Variants in MICAL2 observed in about 807,000 individuals in gnomAD.
The protein encoded by MICAL2 is [F-actin]-monooxygenase MICAL2.
Under a neutral mutation model 127.3 loss-of-function variants are expected in MICAL2, and 77 were observed. The ratio of observed to expected loss-of-function variants is 0.60; its 90% CI spans 0.50 to 0.73. The LOEUF (loss-of-function observed/expected upper bound fraction) is 0.73, where lower values mean the gene tolerates loss of function less well. Among genes scored for constraint, MICAL2 ranks in the 30% least tolerant of loss-of-function variants. The probability of loss-of-function intolerance (pLI) is 0.00; values close to 1 mark genes in which losing one functional copy is unlikely to be tolerated. For synonymous variants in MICAL2, 570 were observed against 551.1 expected, an observed-to-expected ratio of 1.03 and a Z score of -0.48; for missense variants, 1,351 against 1,434.4, an observed-to-expected ratio of 0.94 and a Z score of 0.94.
chr11:12,213,169 T>A lies in MICAL2; in HGVS notation c.692-86T>A, dbSNP rs1054873600. The stretch of plus-strand genomic sequence containing the variant: ...CCTGGTTTCACTGGCCTGGGAGGCA[T>A]CTGGGAACAGCTCTCCCAATAATCA... On this transcript the variant is annotated intron_variant, in intron 6 of 27. Transcript: ENST00000683283. The A allele has an allele frequency of 3.4e-6, 5 of 1,452,876 alleles. No homozygotes were observed. The African/African-American group carries it at 7.1e-5, about 21-fold the overall frequency. The allele number at this position is 1,452,876 out of a possible 1,614,324, so 90.0% of individuals were successfully genotyped here.
intron 33 of MICAL2, among the ~76,000 whole-genome samples, chr11:12,352,148 C>T (rs967641312): frequency 6.6e-6 from 1 of 152,182 alleles, no homozygotes; most frequent in Admixed American, 6.5e-5. Context: ...GTAATTTGTC[C>T]ACTCTACCTG....
chr11:12,238,655 G>GATTGAATCCTGA (rs71313461), intron 16 of MICAL2, among the ~76,000 whole-genome samples: 28,163 of 151,874 alleles, frequency 0.19, 3,026 homozygotes, highest in Non-Finnish European at 0.24. Flanking sequence ...TGGGATCCTG[G>GATTGAATCCTGA]GACAGAAAAA....
rs1408865497 is a variant in MICAL2 at position 12,220,390 on chromosome 11, G to A, written c.1138G>A (p.Ala380Thr). ...DFTCMYASEN[A>T]ALVRERQAHQ... ...TACCTGCATGTATGCCTCAGAGAAC[G>A]CGGCCCTGGTGCGGGAGCGGCAGGC... The change falls in exon 9 of 28, where the codon GCG becomes ACG. Residue 380 changes from alanine (A) to threonine (T), a missense_variant. Ala to Thr is a moderately conservative substitution (Grantham distance 58). Transcript: ENST00000683283. 1.1e-5 allele frequency: 18 copies of A among 1,614,076 alleles called. No individual in the cohort carries two copies. The highest frequency in any genetic ancestry group is 4.5e-5 in the East Asian group (2 of 44,880).
chr11:12,333,113 A>G (rs1360688725), intron 32 of MICAL2, among the ~76,000 whole-genome samples: 1 of 152,250 alleles, frequency 6.6e-6, no homozygotes, highest in African/African-American at 2.4e-5. Flanking sequence ...TTTTTTAAAA[A>G]TAAGACAGAA....
At chr11:12,265,096 A>G (rs1863567516), downstream of MICAL2, among the ~76,000 whole-genome samples, 1 of 152,352 alleles carries the variant, frequency 6.6e-6, no homozygotes, top group Admixed American at 6.5e-5. Flanking sequence ...CTTCACCAAC[A>G]AAGGAGTCCA....
chr11:12,181,063 C>T (rs1435597438), intron 3 of MICAL2, among the ~76,000 whole-genome samples: 1 of 151,934 alleles, frequency 6.6e-6, no homozygotes, highest in African/African-American at 2.4e-5. Flanking sequence ...CCTGCCTCAG[C>T]CTCCCAAATA....
At chr11:12,258,087 T>C (rs1862571612) in intron 24 of MICAL2, among the ~76,000 whole-genome samples, 1 of 152,138 alleles carries the variant, frequency 6.6e-6, no homozygotes, top group South Asian at 2.1e-4. Flanking sequence ...CTATTTATTA[T>C]AAAGGATGCA....
chr11:12,358,274 G>A (rs1274997831), intron 34 of MICAL2: 1 of 1,610,320 alleles, frequency 6.2e-7, no homozygotes, highest in Non-Finnish European at 8.5e-7. Context: ...TGAGCCCAGT[G>A]GTTTTCTTTT....
chr11:12,354,755 T>G (rs1285717950), intron 33 of MICAL2: 1 of 1,595,910 alleles, frequency 6.3e-7, no homozygotes, highest in Admixed American at 1.7e-5. Context: ...TCTATAGTAT[T>G]CATAAAATTT....
chr11:12,210,739 G>A (rs1255816502), intron 6 of MICAL2, among the ~76,000 whole-genome samples: 2 of 152,216 alleles, frequency 1.3e-5, no homozygotes, highest in East Asian at 3.8e-4. Context: ...ATGGAAAGAA[G>A]GGTGGAGAGT....
chr11:12,178,395 G>C (rs1017714424), intron 3 of MICAL2, among the ~76,000 whole-genome samples: 1 of 151,940 alleles, frequency 6.6e-6, no homozygotes, highest in Non-Finnish European at 1.5e-5. Flanking sequence ...TTGGGTTATA[G>C]CTTGGTTTTG....
intron 3 of MICAL2, among the ~76,000 whole-genome samples, chr11:12,168,483 CAT>C (rs1262569502): frequency 2.0e-5 from 3 of 151,408 alleles, no homozygotes; most frequent in Non-Finnish European, 2.9e-5. Flanking sequence ...CTTATACACA[CAT>C]ATACATGCAT....
chr11:12,226,679 G>A (rs1857512440), intron 14 of MICAL2, among the ~76,000 whole-genome samples: 1 of 138,778 alleles, frequency 7.2e-6, no homozygotes, highest in Non-Finnish European at 1.5e-5. Context: ...TTGAGAGGGA[G>A]TCTCGCTTTG....
intron 4 of MICAL2, among the ~76,000 whole-genome samples, chr11:12,204,824 A>T (rs1460105639): frequency 6.6e-6 from 1 of 152,250 alleles, no homozygotes; most frequent in East Asian, 1.9e-4. Context: ...GATGGAGCGC[A>T]TTAAGATTTT....
downstream of MICAL2, chr11:12,294,043 C>T: frequency 3.1e-6 from 5 of 1,614,132 alleles, no homozygotes; most frequent in Non-Finnish European, 4.2e-6. Flanking sequence ...GTGTGCACCT[C>T]AAAGCTGGGG....
chr11:12,313,742 A>G (rs1184251379), intron 29 of MICAL2, among the ~76,000 whole-genome samples: 1 of 151,830 alleles, frequency 6.6e-6, no homozygotes, highest in Non-Finnish European at 1.5e-5. Flanking sequence ...TTTTTCTGTC[A>G]CTTGCTAAGA....
chr11:12,157,697 T>TA lies in MICAL2; in HGVS notation c.-77-4370dup, dbSNP rs35448001. ...AGAGCTAGTTACCAGGATCCTCTGA[T>TA]AAAAAAAAAAAATCCTGACTACGTT... On this transcript the variant is annotated intron_variant, in intron 2 of 27. Coordinates refer to ENST00000683283, the MANE Select transcript of MICAL2 (RefSeq NM_001282663.2). 8.7e-4 allele frequency among the ~76,000 whole-genome samples: 129 copies of TA among 147,730 alleles called. 2 individuals are homozygous for TA. The South Asian group carries it at 0.018, about 20-fold the overall frequency.
At chr11:12,309,460 C>T (rs1864147941) in intron 29 of MICAL2, among the ~76,000 whole-genome samples, 1 of 152,134 alleles carries the variant, frequency 6.6e-6, no homozygotes, top group Admixed American at 6.5e-5. Context: ...GTTTATTTCA[C>T]TTAACATAAT....
At chr11:12,313,016 A>T (rs898851772) in intron 29 of MICAL2, among the ~76,000 whole-genome samples, 1 of 151,988 alleles carries the variant, frequency 6.6e-6, no homozygotes, top group South Asian at 2.1e-4. Flanking sequence ...AAAAATACAA[A>T]AATTAGCAGG....
Sources: allele counts gnomAD v4.1 joint callset (sites outside exome capture counted in the v4.1 genomes callset), GRCh38; gene constraint gnomAD v4.1.1; transcripts MANE v1.5; gene names NCBI Gene and HGNC (gene_info 2026-07-23, HGNC 2026-07-21).